CSAD: variants seen among roughly 807,000 people sequenced by gnomAD.
CSAD encodes the protein cysteine sulfinic acid decarboxylase.
CSAD carries 47 observed loss-of-function variants against 61.5 expected under a neutral mutation model. The observed-to-expected ratio is 0.76, with a 90% CI of 0.60 to 0.97. The LOEUF (loss-of-function observed/expected upper bound fraction) is 0.97. Ranked by LOEUF, CSAD falls within the 50% of genes least tolerant of loss-of-function variation. The pLI is 0.00. For missense variants in CSAD, 611 were observed against 643.6 expected (o/e 0.95, Z 0.55); for synonymous variants, 245 against 252.7 (o/e 0.97, Z 0.29).
At chr12:53,175,951 A>G (rs1227872422) in intron 2 of CSAD, among the ~76,000 whole-genome samples, 1 of 152,242 alleles carries the variant, frequency 6.6e-6, no homozygotes, top group Non-Finnish European at 1.5e-5. Context: ...TGACATGGGA[A>G]CAAGCCTAGA....
chr12:53,172,536 T>G lies in CSAD; in HGVS notation c.239A>C (p.Tyr80Ser), dbSNP rs780855901. 1 of 1,614,086 alleles carries G rather than the reference T, an allele frequency of 6.2e-7. No homozygotes were observed. Residue 80 changes from tyrosine (Y) to serine (S), a missense_variant, in exon 5 of 17, where the codon TAC (tyrosine) becomes TCC (serine). Tyr to Ser is a moderately radical substitution (Grantham distance 144, BLOSUM62 -2). Transcript: ENST00000444623. ...ILERCRAVIR[Y>S]SVKTGHPRFF... Reference sequence around the variant, plus strand: ...CCAGGGCCCACCAGTCTTGACACTGTAGCGAATCACAGCCCGACACCGCTC... The same window carrying G: ...CCAGGGCCCACCAGTCTTGACACTGGAGCGAATCACAGCCCGACACCGCTC...
chr12:53,173,697 C>T (rs769781552), intron 3 of CSAD, 31 bp downstream of exon 3: 1 of 1,535,242 alleles, frequency 6.5e-7, no homozygotes, highest in South Asian at 1.1e-5. Context: ...ACTCTAGTGG[C>T]CATTTCCACC....
At position 53,173,869 on chromosome 12, in the gene CSAD, ACTAT is replaced by A. The variant is rs1218335482; in HGVS notation, c.-49-103_-49-100del. On this transcript the variant is annotated intron_variant, in intron 2 of 16. Transcript: ENST00000444623. ...TCACAAAGTTGTTGCAACCATCATC[ACTAT>A]CTAACGCCAGAACATTTTCATCACC... 5.9e-6 allele frequency: 7 copies of A among 1,194,690 alleles called. No individual in the cohort carries two copies. In the East Asian group the frequency reaches 1.0e-4, roughly 17 times the overall value. 74.0% of individuals were successfully genotyped at this position (1,194,690 alleles called of 1,614,324 possible). A position where few individuals can be genotyped will look rare whatever the true frequency, so the allele number is the denominator to read the frequency against.
rs1279059213 is a variant in CSAD at position 53,167,506 on chromosome 12, A to G, written c.702+2566T>C. ...TAGCACATATGCAGCATTTTTACAT[A>G]TATTTATGAATGTCAGTCTTCCTTA... On this transcript the variant is annotated intron_variant, in intron 10 of 16. Transcript: ENST00000444623. 2.0e-5 allele frequency among the ~76,000 whole-genome samples: 3 copies of G among 152,248 alleles called. No individual in the cohort carries two copies. The South Asian group carries it at 6.2e-4, about 31-fold the overall frequency.
chr12:53,166,581 T>G (rs145076938), intron 10 of CSAD, among the ~76,000 whole-genome samples: 420 of 151,810 alleles, frequency 2.8e-3, no homozygotes, highest in African/African-American at 9.6e-3. Flanking sequence ...GCAGATCACT[T>G]AAGGCCAGGA....
chr12:53,180,472 C>G, intron 1 of CSAD: 2 of 1,212,872 alleles, frequency 1.6e-6, no homozygotes, highest in South Asian at 2.9e-5. Flanking sequence ...TGCCCTCAGT[C>G]TCGATGGCGG....
intron 10 of CSAD, among the ~76,000 whole-genome samples, chr12:53,162,340 C>T (rs1056785253): frequency 2.0e-5 from 3 of 151,286 alleles, no homozygotes; most frequent in African/African-American, 4.9e-5. Flanking sequence ...GAGGCCGACG[C>T]GGGTGGATCA....
intron 1 of CSAD, chr12:53,179,778 G>A: frequency 1.2e-6 from 2 of 1,611,046 alleles, no homozygotes; most frequent in South Asian, 1.1e-5. Context: ...ATCACCTACA[G>A]CAGAAATGAG....
At chr12:53,161,420 T>C (rs1939266347) in intron 10 of CSAD, 31 bp from the exon 11 acceptor site, 1 of 1,566,734 alleles carries the variant, frequency 6.4e-7, no homozygotes, top group African/African-American at 1.4e-5. Flanking sequence ...GAGAAAGATG[T>C]AAAGTCATCT....
In CSAD at chr12:53,170,485, C is replaced by A. The variant is rs755977061; in HGVS notation, c.585G>T (p.Gln195His). The A allele has an allele frequency of 6.2e-7, 1 of 1,614,084 alleles. No individual in the cohort carries two copies. Among genetic ancestry groups the A allele is most frequent in the East Asian group, 2.2e-5 (1 of 44,880 alleles). The part of the protein sequence containing the change: ...FTSKECHYSI[Q>H]KGAAFLGLGT... ...CAAGTCCCAGAAACGCAGCTCCCTT[C>A]TGGATGGAGTAGTGACACTGTGGGG... The change falls in exon 9 of 17, where the codon CAG becomes CAT. Residue 195 changes from glutamine (Q) to histidine (H), a missense_variant. Gln to His is a conservative substitution (Grantham distance 24). Transcript: ENST00000444623.
chr12:53,160,935 G>A, intron 12 of CSAD, 91 bp from the exon 13 acceptor site: 1 of 1,294,900 alleles, frequency 7.7e-7, no homozygotes, highest in Non-Finnish European at 1.1e-6. Flanking sequence ...CCAGCAAAGG[G>A]GCTTTGGTCT....
intron 2 of CSAD, among the ~76,000 whole-genome samples, chr12:53,176,563 CA>C (rs1219104636): frequency 1.3e-5 from 2 of 150,976 alleles, no homozygotes; most frequent in African/African-American, 4.9e-5. Flanking sequence ...ACTAAAAATA[CA>C]AAAAATTAGC....
intron 8 of CSAD, 189 bp downstream of exon 8, chr12:53,171,137 C>T: frequency 1.2e-6 from 1 of 835,006 alleles, no homozygotes; most frequent in African/African-American, 1.7e-5. Flanking sequence ...CTCCTCTGCC[C>T]CCAAACAGAA....
intron 10 of CSAD, among the ~76,000 whole-genome samples, chr12:53,161,886 G>A (rs1281660103): frequency 6.6e-6 from 1 of 152,142 alleles, no homozygotes; most frequent in Non-Finnish European, 1.5e-5. Flanking sequence ...CTTGAGCCCA[G>A]GAGTTTGAGG....
At chr12:53,169,631 G>A (rs1940322779) in intron 10 of CSAD, among the ~76,000 whole-genome samples, 1 of 152,008 alleles carries the variant, frequency 6.6e-6, no homozygotes, top group Non-Finnish European at 1.5e-5. Flanking sequence ...TATAGATGGT[G>A]CCAAAATGCC....
intron 4 of CSAD, 51 bp downstream of exon 4, chr12:53,173,294 A>G: frequency 6.6e-7 from 1 of 1,511,714 alleles, no homozygotes; most frequent in East Asian, 2.3e-5. Flanking sequence ...AAGAAAAGAG[A>G]AAAGAAAAGA....
chr12:53,170,726 T>TC (rs1430486500), intron 8 of CSAD: 7 of 539,458 alleles, frequency 1.3e-5, no homozygotes, highest in Non-Finnish European at 2.3e-5. Flanking sequence ...TTGTTTGTTT[T>TC]TTTTTTTTTT....
chr12:53,170,813 C>T, intron 8 of CSAD: 1 of 401,070 alleles, frequency 2.5e-6, no homozygotes, highest in Non-Finnish European at 4.7e-6. Flanking sequence ...TTCCGCCTCC[C>T]AGGTTCAAGC....
At chr12:53,172,053 C>G (rs1940648154) in intron 6 of CSAD, 65 bp from the exon 7 acceptor site, 1 of 1,184,964 alleles carries the variant, frequency 8.4e-7, no homozygotes, top group Non-Finnish European at 1.3e-6. Flanking sequence ...GGCCCTTAAA[C>G]TGCACAGGAG....
Sources: gnomAD v4.1 joint callset for allele counts (sites outside exome capture counted in the v4.1 genomes callset) on GRCh38, gnomAD v4.1.1 for gene constraint, MANE v1.5 for transcripts, NCBI Gene and HGNC (gene_info 2026-07-23, HGNC 2026-07-21) for gene names.